The following DNAH1 variants were observed in gnomAD, a reference collection of about 807,000 sequenced individuals.
The protein encoded by DNAH1 is dynein axonemal heavy chain 1.
In DNAH1, 327 loss-of-function variants were observed where a neutral mutation model predicts 484.3. That is an observed-to-expected ratio of 0.68 (90% CI 0.62 to 0.74). DNAH1 has a LOEUF of 0.74. DNAH1 is among the 30% of genes least tolerant of loss of function. The pLI, the probability that DNAH1 is intolerant of heterozygous loss-of-function variation, is 0.00. For synonymous variants in DNAH1, 2,192 were observed against 2,191.9 expected (o/e 1.00, Z 0.00); for missense variants, 5,052 against 5,546.8 (o/e 0.91, Z 2.83).
rs773309762 is a variant in DNAH1, at chr3:52,331,212, G to C, written c.936G>C (p.Glu312Asp). The change falls in exon 7 of 78, where the codon GAG (glutamate) becomes GAC (aspartate). Residue 312 changes from glutamate to aspartate, a missense_variant. Glu to Asp is a conservative substitution (Grantham distance 45, BLOSUM62 2). Coordinates refer to ENST00000420323, the MANE Select transcript of DNAH1 (RefSeq NM_015512.5). ...WCEVGVLDYD[E>D]EKKLYLVHKT... is the part of the protein sequence containing the mutation. ...AGGTCGGCGTCCTGGACTACGACGA[G>C]GAGAAGAAGCTATACCTGGTACACA... 7 of 1,609,672 alleles carry C rather than the reference G, an allele frequency of 4.3e-6. No individual in the cohort carries two copies. In the Admixed American group the frequency reaches 6.7e-5, roughly 15 times the overall value.
At position 52,358,535 on chromosome 3, in the gene DNAH1, T is replaced by G; in HGVS notation, c.4087-23T>G. 1 of 1,585,680 alleles carries G rather than the reference T, an allele frequency of 6.3e-7. No homozygotes were observed. The highest frequency in any genetic ancestry group is 8.6e-7 in the Non-Finnish European group (1 of 1,166,530). The stretch of plus-strand genomic sequence containing the variant: ...TCTGGGCACACCAGGGTGACCCCAC[T>G]CCTGCTCCTCCACTGCTTGCAGCTG... On this transcript the variant is annotated intron_variant, in intron 24 of 77. Transcript: ENST00000420323. This position sits in a 1 kb window ranked among gnomAD's most constrained non-coding sequence, Gnocchi z 4.2.
rs774128104 is a variant in DNAH1, at chr3:52,360,363, A to G, written c.4624A>G (p.Ile1542Val). The G allele has an allele frequency of 3.1e-6, 5 of 1,613,998 alleles. No homozygotes were observed. Among genetic ancestry groups the G allele is most frequent in the Non-Finnish European group, 4.2e-6 (5 of 1,179,878 alleles). The part of the protein sequence containing the change: ...LYIRAVNAEF[I>V]YGYEYLGNSG... ...TATCCGTGCTGTGAATGCTGAGTTC[A>G]TCTATGGCTATGAGTACCTGGGCAA... The change falls in exon 28 of 78, where the codon ATC becomes GTC. Residue 1542 changes from isoleucine to valine, a missense_variant. This residue lies in a region of DNAH1 where 2,929 missense variants were observed against 3,409.4 expected (regional missense o/e 0.86). Coordinates refer to ENST00000420323, the MANE Select transcript of DNAH1 (RefSeq NM_015512.5).
At position 52,392,809 on chromosome 3, in the gene DNAH1, CCCCA is replaced by C; in HGVS notation, c.10279-15_10279-12del. On this transcript the variant is annotated splice_polypyrimidine_tract_variant and intron_variant, in intron 64 of 77. Coordinates refer to ENST00000420323, the MANE Select transcript of DNAH1 (RefSeq NM_015512.5). ...CTACCTTCTGCTCTTTGACCCCTCC[CCCCA>C]CCCACTACACCCACAGGCCAAAGTC... 2 of 605,506 alleles carry C rather than the reference CCCCA, an allele frequency of 3.3e-6. No individual in the cohort carries two copies. The highest frequency in any genetic ancestry group is 6.0e-6 in the Non-Finnish European group (2 of 333,848). 37.5% of individuals were successfully genotyped at this position (605,506 alleles called of 1,614,324 possible). A position where few individuals can be genotyped will look rare whatever the true frequency, so the allele number is the denominator to read the frequency against.
chr3:52,362,586 G>T lies in DNAH1; in HGVS notation c.5094+85G>T. 8.1e-7 allele frequency: 1 copy of T among 1,238,150 alleles called. No homozygotes were observed. The allele number at this position is 1,238,150 out of a possible 1,614,324, so 76.7% of individuals were successfully genotyped here. ...GCTAAGCCACTTATGCAAGGACACA[G>T]TTGCTTGGACTCCAGGGACTGTGAT... On this transcript the variant is annotated intron_variant, in intron 31 of 77. Coordinates refer to ENST00000420323, the MANE Select transcript of DNAH1 (RefSeq NM_015512.5). The surrounding 1 kb of genome is among the most constrained non-coding windows in gnomAD (Gnocchi z 5.1).
intron 34 of DNAH1, among the ~76,000 whole-genome samples, chr3:52,365,949 G>A (rs9828432): frequency 0.011 from 1,690 of 152,308 alleles, 32 homozygotes; most frequent in African/African-American, 0.038. Flanking sequence ...AGGAACCCCC[G>A]GACCTGCAGG....
chr3:52,345,258 C>T (rs1392509000), intron 9 of DNAH1, among the ~76,000 whole-genome samples: 3 of 152,210 alleles, frequency 2.0e-5, no homozygotes, highest in Non-Finnish European at 4.4e-5. Flanking sequence ...CTCAGAGGAG[C>T]CTGTGACTAG....
chr3:52,389,486 A>G lies in DNAH1; in HGVS notation c.9521A>G (p.Asp3174Gly), dbSNP rs536360337. The change falls in exon 60 of 78, where the codon GAC (aspartate) becomes GGC (glycine). Residue 3174 changes from aspartate (D) to glycine (G), a missense_variant. Asp to Gly is a moderately conservative substitution (Grantham distance 94). Around this residue, in one of 4 missense-constraint regions of DNAH1, gnomAD observed 2,929 missense variants for 3,409.4 expected, o/e 0.86. Coordinates refer to ENST00000420323, the MANE Select transcript of DNAH1 (RefSeq NM_015512.5). The stretch of plus-strand genomic sequence containing the variant: ...GGCCAGTACCGCACGGTGCTCTACG[A>G]CAGCTGGGTCAAGCAGCTCAGGAGC... ...FTGQYRTVLY[D>G]SWVKQLRSHN... The G allele has an allele frequency of 4.8e-5, 77 of 1,608,598 alleles. No homozygotes were observed. In the South Asian group the frequency reaches 8.2e-4, roughly 17 times the overall value.
Position 52,394,532 on chromosome 3 carries a change from G to C in DNAH1, c.10694G>C (p.Trp3565Ser). The change falls in exon 67 of 78, where the codon TGG becomes TCG. Residue 3565 changes from tryptophan to serine, a missense_variant. Trp to Ser is a radical substitution (Grantham distance 177, BLOSUM62 -3). This residue lies in a region of DNAH1 where 853 missense variants were observed against 899.0 expected (regional missense o/e 0.95). Coordinates refer to ENST00000420323, the MANE Select transcript of DNAH1 (RefSeq NM_015512.5). The stretch of plus-strand genomic sequence containing the variant: ...ATGACTGAGAATCCGGCACCGGACT[G>C]GCTGTCAGACCGGGCTTGGCGAGAC... Reference protein sequence around the residue: ...SIMTENPAPDWLSDRAWRDIL... With the variant: ...SIMTENPAPDSLSDRAWRDIL... 1 of 1,614,026 alleles carries C rather than the reference G, an allele frequency of 6.2e-7. No homozygotes were observed. Among genetic ancestry groups the C allele is most frequent in the East Asian group, 2.2e-5 (1 of 44,890 alleles).
At chr3:52,393,258 G>C in intron 65 of DNAH1, 76 bp from the exon 66 acceptor site, 1 of 1,592,386 alleles carries the variant, frequency 6.3e-7, no homozygotes, top group Non-Finnish European at 8.6e-7. Flanking sequence ...TGGGGAGACT[G>C]GCTAGGCTGG....
At chr3:52,329,068 C>T (rs761129105) in intron 6 of DNAH1, among the ~76,000 whole-genome samples, 1 of 152,254 alleles carries the variant, frequency 6.6e-6, no homozygotes, top group Non-Finnish European at 1.5e-5. Flanking sequence ...GTTACCTTTA[C>T]TTTGGACTTA....
upstream of DNAH1, among the ~76,000 whole-genome samples, chr3:52,314,333 C>A (rs767965055): frequency 6.6e-6 from 1 of 152,200 alleles, no homozygotes; most frequent in Non-Finnish European, 1.5e-5. Flanking sequence ...AAGGTGGGGA[C>A]CAACAGGCAT....
intron 1 of DNAH1, chr3:52,317,849 A>G (rs1167825291): frequency 6.6e-6 from 1 of 152,236 alleles, no homozygotes; most frequent in Admixed American, 6.5e-5. Context: ...GCAACGGCCT[A>G]GCGTCCCTCC....
At chr3:52,373,901 G>A (rs1470193771) in intron 44 of DNAH1, 74 of 1,380,422 alleles carry the variant, frequency 5.4e-5, no homozygotes, top group Admixed American at 6.8e-5. Flanking sequence ...CCAATCCTAC[G>A]GGAGCAGAAT....
rs116138991 is a variant in DNAH1 at position 52,361,853 on chromosome 3, C to T, written c.4980+87C>T. 1.0e-3 allele frequency: 1,383 copies of T among 1,372,354 alleles called. 5 individuals carry two copies. The African/African-American group carries it at 0.012, about 12-fold the overall frequency. 85.0% of individuals were successfully genotyped at this position (1,372,354 alleles called of 1,614,324 possible). On this transcript the variant is annotated intron_variant, in intron 30 of 77. Coordinates refer to ENST00000420323, the MANE Select transcript of DNAH1 (RefSeq NM_015512.5). This position sits in a 1 kb window ranked among gnomAD's most constrained non-coding sequence, Gnocchi z 5.6. ...CCCCATTGCAGGCTGAGAAGCCAGG[C>T]GCTAAGGTCCACCCTGGGTCCAGCC...
Position 52,381,851 on chromosome 3 carries a change from G to A in DNAH1, c.7805+15G>A, listed in dbSNP as rs1169576800. 7.1e-6 allele frequency: 11 copies of A among 1,559,180 alleles called. No individual in the cohort carries two copies. The highest frequency in any genetic ancestry group is 9.6e-6 in the Non-Finnish European group (11 of 1,150,850). On this transcript the variant is annotated intron_variant, in intron 49 of 77. Transcript: ENST00000420323. This position sits in a 1 kb window ranked among gnomAD's most constrained non-coding sequence, Gnocchi z 4.1. ...GCCTCGCACATGTGAGCGCCTCCAG[G>A]GCGTGCTGGGCAGTGGGCGGCCAGG...
At chr3:52,391,968 G>A (rs950887274) in intron 63 of DNAH1, among the ~76,000 whole-genome samples, 8 of 152,288 alleles carry the variant, frequency 5.3e-5, no homozygotes, top group Middle Eastern at 3.4e-3. Context: ...GGCACACTCT[G>A]GCTCTTTGAA....
In DNAH1 at chr3:52,392,474, G is replaced by T; in HGVS notation, c.10063G>T (p.Asp3355Tyr). 6.2e-7 allele frequency: 1 copy of T among 1,613,606 alleles called. No homozygotes were observed. Among genetic ancestry groups the T allele is most frequent in the South Asian group, 1.1e-5 (1 of 91,040 alleles). ...CCCTGCCCCCGGCAGTGGCCTAGAG[G>T]ACCAGCTACTGGGCCAGGTAGTGGC... ...NFTLSPSGLE[D>Y]QLLGQVVAEE... is the part of the protein sequence containing the mutation. The change falls in exon 64 of 78, where the codon GAC becomes TAC. Residue 3355 changes from aspartate to tyrosine, a missense_variant. Physicochemically the swap from Asp to Tyr is radical, Grantham distance 160. Around this residue, in one of 4 missense-constraint regions of DNAH1, gnomAD observed 2,929 missense variants for 3,409.4 expected, o/e 0.86. Coordinates refer to ENST00000420323, the MANE Select transcript of DNAH1 (RefSeq NM_015512.5).
Position 52,349,282 on chromosome 3 carries a change from G to T in DNAH1, c.2388G>T (p.Ser796=). The change falls in exon 14 of 78, where the codon TCG becomes TCT. Residue 796 remains serine (S), a synonymous_variant. Coordinates refer to ENST00000420323, the MANE Select transcript of DNAH1 (RefSeq NM_015512.5). ...HLREKEILDS[S]LPSSIIIGPF... ...GGGAGAAGGAGATCCTGGACAGCTCGCTGCCCAGCAGCATCATCATTGGGC... is the reference window on the plus strand; with the variant it reads ...GGGAGAAGGAGATCCTGGACAGCTCTCTGCCCAGCAGCATCATCATTGGGC... 2 of 1,613,966 alleles carry T rather than the reference G, an allele frequency of 1.2e-6. No homozygotes were observed. The highest frequency in any genetic ancestry group is 1.7e-6 in the Non-Finnish European group (2 of 1,179,886).
At chr3:52,331,619 CTT>C (rs36097098) in intron 7 of DNAH1, among the ~76,000 whole-genome samples, 4 of 111,346 alleles carry the variant, frequency 3.6e-5, no homozygotes, top group Non-Finnish European at 5.7e-5. Context: ...AAATACTTTT[CTT>C]TTTTTTTTTT....
Sources: allele counts gnomAD v4.1 joint callset (sites outside exome capture counted in the v4.1 genomes callset), GRCh38; gene constraint gnomAD v4.1.1; regional missense constraint gnomAD v4.1.1; non-coding constraint Gnocchi (gnomAD v3.1); transcripts MANE v1.5; gene names NCBI Gene and HGNC (gene_info 2026-07-23, HGNC 2026-07-21).